Variants in NADSYN1 observed in about 807,000 individuals in gnomAD.
NADSYN1 encodes NAD synthetase 1, also known as glutamine-dependent NAD(+) synthetase.
Under a neutral mutation model 99.3 loss-of-function variants are expected in NADSYN1, and 80 were observed. The observed-to-expected ratio is 0.81, with a 90% CI of 0.67 to 0.97. The LOEUF (loss-of-function observed/expected upper bound fraction) is 0.97. Ranked by LOEUF, NADSYN1 falls within the 50% of genes least tolerant of loss-of-function variation. The pLI is 0.00. For missense variants in NADSYN1, 859 were observed against 948.5 expected (o/e 0.91, Z 1.24); for synonymous variants, 385 against 372.1 (o/e 1.03, Z -0.40).
intron 9 of NADSYN1, chr11:71,476,053 A>G (rs1387066786): frequency 2.2e-6 from 1 of 456,208 alleles, no homozygotes; most frequent in African/African-American, 2.0e-5. Context: ...AAAATGGGCT[A>G]TTATTGCCAC....
chr11:71,473,509 C>T (rs1231147431), intron 7 of NADSYN1, 60 bp from the exon 8 acceptor site: 1 of 1,549,152 alleles, frequency 6.5e-7, no homozygotes, highest in Non-Finnish European at 8.9e-7. Context: ...AAGGGGCTGC[C>T]AGGGAGGCTG....
intron 9 of NADSYN1, chr11:71,477,383 G>A (rs1267122348): frequency 7.8e-7 from 1 of 1,289,812 alleles, no homozygotes; most frequent in Admixed American, 2.3e-5. Context: ...GAAGCAGCCA[G>A]AGAACCACAG....
chr11:71,463,934 GC>G, intron 4 of NADSYN1, 118 bp from the exon 5 acceptor site: 1 of 804,274 alleles, frequency 1.2e-6, no homozygotes. Flanking sequence ...TTTGCTCGGG[GC>G]CCCATTCTCA....
At chr11:71,472,167 A>G (rs371494098) in intron 5 of NADSYN1, among the ~76,000 whole-genome samples, 3 of 152,212 alleles carry the variant, frequency 2.0e-5, no homozygotes, top group African/African-American at 7.2e-5. Context: ...CCTGTGACAC[A>G]TCTCTCAGTA....
At position 71,482,012 on chromosome 11, in the gene NADSYN1, C is replaced by T. The variant is rs140393556; in HGVS notation, c.1137C>T (p.Ala379=). The change falls in exon 13 of 21, where the codon GCC becomes GCT. Residue 379 remains alanine, a synonymous_variant. Transcript: ENST00000319023. The part of the protein sequence containing the change: ...IYSMCCQVCE[A]VRSGNEEVLA... ...CCATGTGCTGCCAGGTCTGCGAGGC[C>T]GTGAGGAGTGGAAGTAGGTGACATC... is the stretch of plus-strand genomic sequence containing the variant. The T allele has an allele frequency of 2.1e-4, 334 of 1,611,166 alleles. 1 individual carries two copies. The Middle Eastern group carries it at 3.6e-3, about 18-fold the overall frequency.
At chr11:71,458,232 C>T (rs960838983) in intron 2 of NADSYN1, among the ~76,000 whole-genome samples, 196 bp from the exon 3 acceptor site, 4 of 152,204 alleles carry the variant, frequency 2.6e-5, no homozygotes, top group Non-Finnish European at 5.9e-5. Flanking sequence ...GGGCCGTGCT[C>T]TTCGCTTTCA....
At chr11:71,463,621 G>A (rs1338836186) in intron 4 of NADSYN1, 136 bp downstream of exon 4, 2 of 770,022 alleles carry the variant, frequency 2.6e-6, no homozygotes, top group Non-Finnish European at 4.2e-6. Flanking sequence ...CGGGCTTAGT[G>A]AGGGCCGATG....
chr11:71,484,278 A>G lies in NADSYN1; in HGVS notation c.1320-34A>G, dbSNP rs758759113. ...CGCACACACATGCACACACGTGCAC[A>G]TGCTGCCTTCAACGCCTATCCTTCT... On this transcript the variant is annotated intron_variant, in intron 14 of 20. Transcript: ENST00000319023. The G allele has an allele frequency of 3.7e-6, 6 of 1,605,924 alleles. No individual in the cohort carries two copies. In the South Asian group the frequency reaches 5.5e-5, roughly 15 times the overall value.
rs572313808 is a variant in NADSYN1 at position 71,473,475 on chromosome 11, C to T, written c.549-94C>T. On this transcript the variant is annotated intron_variant, in intron 7 of 20. Transcript: ENST00000319023. ...CCGTGGCCGTGGCCGTGGCCGTGGG[C>T]TGGGAGCTGCCGTGGGAGAGTGCAA... 731 of 1,528,604 alleles carry T rather than the reference C, an allele frequency of 4.8e-4. 2 individuals carry two copies. In the African/African-American group the frequency reaches 9.3e-3, roughly 20 times the overall value. The allele number at this position is 1,528,604 out of a possible 1,614,324, so 94.7% of individuals were successfully genotyped here.
intron 9 of NADSYN1, chr11:71,476,835 C>G: frequency 1.0e-6 from 1 of 985,838 alleles, no homozygotes; most frequent in Non-Finnish European, 1.2e-6. Flanking sequence ...GCCACCAAAT[C>G]GGAGTCCTCG....
intron 16 of NADSYN1, among the ~76,000 whole-genome samples, chr11:71,487,358 G>A (rs1210059857): frequency 3.9e-5 from 6 of 152,238 alleles, no homozygotes; most frequent in Non-Finnish European, 7.4e-5. Flanking sequence ...CTTTGGCTCT[G>A]CATTGCTTTT....
chr11:71,454,907 A>G (rs1949503003), intron 1 of NADSYN1, among the ~76,000 whole-genome samples: 1 of 152,228 alleles, frequency 6.6e-6, no homozygotes, highest in Non-Finnish European at 1.5e-5. Flanking sequence ...TCGTGTATAC[A>G]GGTGTATACA....
Position 71,473,604 on chromosome 11 carries a change from T to A in NADSYN1, c.584T>A (p.Ile195Asn). 1.2e-6 allele frequency: 2 copies of A among 1,612,880 alleles called. No individual in the cohort carries two copies. The highest frequency in any genetic ancestry group is 1.7e-6 in the Non-Finnish European group (2 of 1,179,752). ...GACATGGGCCTGGATGGCGTGGAGA[T>A]CATCACCAACGCCTCGGGCAGCCAC... ...HIDMGLDGVE[I>N]ITNASGSHQV... Residue 195 changes from isoleucine to asparagine, a missense_variant, in exon 8 of 21, where the codon ATC (isoleucine) becomes AAC (asparagine). Ile to Asn is a moderately radical substitution (Grantham distance 149). Transcript: ENST00000319023.
Position 71,453,389 on chromosome 11 carries a change from T to C in NADSYN1, c.85+8T>C, listed in dbSNP as rs749836737. ...TGCAAAGAATTTTAAAGAGTGAGTC[T>C]GGGGCGGCGGGGGCACCGGTTTGGG... is the stretch of plus-strand genomic sequence containing the variant. On this transcript the variant is annotated splice_region_variant and intron_variant, in intron 1 of 20. Transcript: ENST00000319023. 3.1e-6 allele frequency: 5 copies of C among 1,611,632 alleles called. No homozygotes were observed. The highest frequency in any genetic ancestry group is 1.3e-5 in the African/African-American group (1 of 74,844).
At chr11:71,485,713 C>A (rs1306699128) in intron 16 of NADSYN1, 65 bp downstream of exon 16, 1 of 1,186,440 alleles carries the variant, frequency 8.4e-7, no homozygotes, top group East Asian at 2.6e-5. Context: ...GAAGGTGATA[C>A]GCTGTGAGAT....
At chr11:71,481,001 G>T in intron 11 of NADSYN1, 122 bp downstream of exon 11, 1 of 1,372,226 alleles carries the variant, frequency 7.3e-7, no homozygotes, top group Non-Finnish European at 9.9e-7. Context: ...CTTGCAGAAG[G>T]CAACTGTGCA....
chr11:71,464,921 T>G (rs191924210), intron 5 of NADSYN1, among the ~76,000 whole-genome samples: 123 of 150,778 alleles, frequency 8.2e-4, no homozygotes, highest in African/African-American at 2.8e-3. Flanking sequence ...TTGATTTAGT[T>G]CTAGGAAGTG....
At chr11:71,489,020 T>G (rs1949762031) in intron 16 of NADSYN1, among the ~76,000 whole-genome samples, 1 of 149,370 alleles carries the variant, frequency 6.7e-6, no homozygotes. Context: ...GCAGGAGGGG[T>G]GGGTTCAGAG....
At chr11:71,494,144 C>G (rs918463616) in intron 18 of NADSYN1, among the ~76,000 whole-genome samples, 1 of 152,188 alleles carries the variant, frequency 6.6e-6, no homozygotes, top group Non-Finnish European at 1.5e-5. Flanking sequence ...GCATCCCAGG[C>G]CTTCCCATTC....
Sources: allele counts gnomAD v4.1 joint callset (sites outside exome capture counted in the v4.1 genomes callset), GRCh38; gene constraint gnomAD v4.1.1; transcripts MANE v1.5; gene names NCBI Gene and HGNC (gene_info 2026-07-23, HGNC 2026-07-21).